The following MDFIC2 variants were observed in gnomAD, a reference collection of about 807,000 sequenced individuals.
MDFIC2 encodes the protein myoD family inhibitor domain-containing protein 2.
chr3:70,270,897 T>G (rs1186054853), intron 2 of MDFIC2, among the ~76,000 whole-genome samples: 1 of 152,068 alleles, frequency 6.6e-6, no homozygotes, highest in Non-Finnish European at 1.5e-5. Flanking sequence ...GATGGGGGTC[T>G]AGGCAAGGGA....
At chr3:70,277,713 C>T (rs1400775598) in intron 2 of MDFIC2, among the ~76,000 whole-genome samples, 2 of 152,082 alleles carry the variant, frequency 1.3e-5, no homozygotes, top group East Asian at 1.9e-4. Flanking sequence ...GATGCCACCT[C>T]AGTCTAAGAT....
chr3:70,245,075 A>G (rs1701694003), intron 2 of MDFIC2, among the ~76,000 whole-genome samples: 1 of 152,162 alleles, frequency 6.6e-6, no homozygotes, highest in Admixed American at 6.5e-5. Context: ...TTTCATTTTG[A>G]AGAGGAGAAG....
At chr3:70,246,533 A>C (rs1051178176) in intron 2 of MDFIC2, among the ~76,000 whole-genome samples, 1 of 152,118 alleles carries the variant, frequency 6.6e-6, no homozygotes, top group East Asian at 1.9e-4. Context: ...CACGAGATGC[A>C]CAATTTAATT....
At chr3:70,259,998 C>T (rs567992083) in intron 2 of MDFIC2, among the ~76,000 whole-genome samples, 2 of 152,232 alleles carry the variant, frequency 1.3e-5, no homozygotes, top group East Asian at 1.9e-4. Context: ...ACGAGAACAG[C>T]GTGATCCAAT....
intron 2 of MDFIC2, among the ~76,000 whole-genome samples, chr3:70,258,941 T>C (rs1290478983): frequency 6.6e-6 from 1 of 152,156 alleles, no homozygotes; most frequent in East Asian, 1.9e-4. Context: ...CTTATTTTTA[T>C]CATTGAAATT....
At chr3:70,256,433 A>G (rs1170959988) in intron 2 of MDFIC2, among the ~76,000 whole-genome samples, 1 of 152,230 alleles carries the variant, frequency 6.6e-6, no homozygotes, top group Admixed American at 6.5e-5. Context: ...ATAAAAGCTT[A>G]TGCTCTCAAT....
At chr3:70,204,831 G>A (rs1701275423) in intron 3 of MDFIC2, 2 of 152,020 alleles carry the variant, frequency 1.3e-5, no homozygotes, top group Non-Finnish European at 2.9e-5. Context: ...GGGAAAGTAT[G>A]TTTCACTGTG....
chr3:70,269,597 C>A (rs1281763414), intron 2 of MDFIC2, among the ~76,000 whole-genome samples: 1 of 152,122 alleles, frequency 6.6e-6, no homozygotes, highest in Admixed American at 6.6e-5. Context: ...AGGGGCTGCC[C>A]AGTTCTTGAC....
chr3:70,213,296 G>A (rs1276116040), intron 2 of MDFIC2, among the ~76,000 whole-genome samples: 1 of 152,070 alleles, frequency 6.6e-6, no homozygotes, highest in Non-Finnish European at 1.5e-5. Context: ...GTGGAAACAG[G>A]TAGCTTGTTG....
intron 2 of MDFIC2, among the ~76,000 whole-genome samples, chr3:70,294,422 G>C (rs921632000): frequency 1.3e-5 from 2 of 151,958 alleles, no homozygotes; most frequent in Admixed American, 1.3e-4. Context: ...GTACGTAGGA[G>C]AATATAGAAA....
chr3:70,264,804 G>GGT (rs1369513592), intron 2 of MDFIC2, among the ~76,000 whole-genome samples: 1 of 152,062 alleles, frequency 6.6e-6, no homozygotes, highest in East Asian at 1.9e-4. Flanking sequence ...GAAACTCTTG[G>GGT]GTGTGTGTGT....
Position 70,199,938 on chromosome 3 carries a change from C to T in MDFIC2, c.311-2753G>A, listed in dbSNP as rs1559533412. On this transcript the variant is annotated intron_variant, in intron 3 of 3. Coordinates refer to ENST00000567252, the MANE Select transcript of MDFIC2 (RefSeq NM_001364677.1). Reference sequence around the variant, plus strand: ...ACCAAGGCCAAACTGCATTTTGGATCTCTCTCTCCCCAGTCCTACAAATCT... The same window carrying T: ...ACCAAGGCCAAACTGCATTTTGGATTTCTCTCTCCCCAGTCCTACAAATCT... Among the ~76,000 whole-genome samples the T allele has an allele frequency of 2.0e-5, 3 of 152,168 alleles. No individual in the cohort carries two copies. In the South Asian group the frequency reaches 6.2e-4, roughly 32 times the overall value.
At chr3:70,284,389 T>C (rs190444379) in intron 2 of MDFIC2, among the ~76,000 whole-genome samples, 86 of 152,276 alleles carry the variant, frequency 5.6e-4, no homozygotes, top group Middle Eastern at 3.4e-3. Flanking sequence ...CAAGACTCTA[T>C]TAAACTTTCT....
chr3:70,254,780 A>C (rs568179561), intron 2 of MDFIC2, among the ~76,000 whole-genome samples: 48 of 152,334 alleles, frequency 3.2e-4, no homozygotes, highest in Middle Eastern at 3.4e-3. Flanking sequence ...GTAACTAAAC[A>C]GTTGGTAGCT....
intron 2 of MDFIC2, among the ~76,000 whole-genome samples, chr3:70,264,416 ACTGT>A (rs1454259029): frequency 1.3e-5 from 2 of 152,224 alleles, no homozygotes; most frequent in African/African-American, 2.4e-5. Flanking sequence ...TTATCCAATG[ACTGT>A]CTAAGAACTG....
chr3:70,220,579 G>A (rs1273456576), intron 2 of MDFIC2, among the ~76,000 whole-genome samples: 1 of 152,128 alleles, frequency 6.6e-6, no homozygotes, highest in Non-Finnish European at 1.5e-5. Flanking sequence ...ACTAACCCTG[G>A]TTGGAAACAT....
chr3:70,264,987 G>T (rs1220104694), intron 2 of MDFIC2, among the ~76,000 whole-genome samples: 1 of 152,168 alleles, frequency 6.6e-6, no homozygotes, highest in Non-Finnish European at 1.5e-5. Flanking sequence ...TTACATGGTG[G>T]CAGCAAGAGA....
intron 2 of MDFIC2, among the ~76,000 whole-genome samples, chr3:70,288,666 G>C (rs1429198312): frequency 2.0e-5 from 3 of 151,844 alleles, no homozygotes; most frequent in African/African-American, 7.3e-5. Context: ...GGGTGTTAAA[G>C]TCTCCCATTA....
chr3:70,303,119 G>A (rs1336177790), intron 2 of MDFIC2, among the ~76,000 whole-genome samples: 1 of 152,164 alleles, frequency 6.6e-6, no homozygotes, highest in East Asian at 1.9e-4. Context: ...TTCATCAACA[G>A]CACATATCAC....
Sources: allele counts gnomAD v4.1 joint callset (sites outside exome capture counted in the v4.1 genomes callset), GRCh38; gene constraint gnomAD v4.1.1; transcripts MANE v1.5; gene names NCBI Gene and HGNC (gene_info 2026-07-23, HGNC 2026-07-21).